Variants in PDLIM5 observed in about 807,000 individuals in gnomAD.
The protein encoded by PDLIM5 is PDZ and LIM domain protein 5.
A neutral mutation model predicts 64.2 loss-of-function variants in PDLIM5; 34 were observed. The ratio of observed to expected loss-of-function variants is 0.53; its 90% CI spans 0.40 to 0.71. The LOEUF (loss-of-function observed/expected upper bound fraction) is 0.71. Ranked by LOEUF, PDLIM5 falls within the 30% of genes least tolerant of loss-of-function variation. The probability of loss-of-function intolerance (pLI) is 0.00; values close to 1 mark genes in which losing one functional copy is unlikely to be tolerated. For missense variants in PDLIM5, 683 were observed against 733.6 expected, an observed-to-expected ratio of 0.93 and a Z score of 0.80; for synonymous variants, 253 against 269.1, an observed-to-expected ratio of 0.94 and a Z score of 0.59.
chr4:94,537,703 C>T (rs1043149185), intron 3 of PDLIM5, among the ~76,000 whole-genome samples: 5 of 152,066 alleles, frequency 3.3e-5, no homozygotes, highest in African/African-American at 9.7e-5. Flanking sequence ...GTTCATTAGT[C>T]GTGTAATCTT....
chr4:94,606,717 A>G (rs546032197), intron 7 of PDLIM5, among the ~76,000 whole-genome samples: 126 of 152,276 alleles, frequency 8.3e-4, no homozygotes, highest in African/African-American at 2.9e-3. Context: ...GGGGTCAGCA[A>G]ATTTTTTTCT....
intron 7 of PDLIM5, among the ~76,000 whole-genome samples, chr4:94,615,019 G>C (rs982272580): frequency 6.6e-6 from 1 of 152,188 alleles, no homozygotes; most frequent in African/African-American, 2.4e-5. Context: ...GGATGTAGAA[G>C]TAAGAATCCT....
chr4:94,649,533 TATCTTACTGTC>T (rs1216516936), intron 9 of PDLIM5, among the ~76,000 whole-genome samples: 13 of 152,316 alleles, frequency 8.5e-5, no homozygotes, highest in South Asian at 6.2e-4. Context: ...ATATTTTATT[TATCTTACTGTC>T]ATCTCCCTGC....
In PDLIM5 at chr4:94,664,257, C is replaced by G. The variant is rs1301929745; in HGVS notation, c.*190C>G. The G allele has an allele frequency of 1.9e-6, 2 of 1,050,674 alleles. No homozygotes were observed. Among genetic ancestry groups the G allele is most frequent in the Non-Finnish European group, 2.4e-6 (2 of 842,594 alleles). 65.1% of individuals were successfully genotyped at this position (1,050,674 alleles called of 1,614,324 possible). On this transcript the variant is annotated 3_prime_UTR_variant, in exon 13 of 13. Transcript: ENST00000317968. ...TTCATAAAGTAAAGAGACGGTTTGG[C>G]ATTTATTATTACTTTTTCCTGTATT...
At chr4:94,586,364 TAAACA>T (rs1736197797) in intron 6 of PDLIM5, 39 bp from the exon 7 acceptor site, 2 of 1,103,326 alleles carry the variant, frequency 1.8e-6, no homozygotes. Context: ...ATTTTGAAGT[TAAACA>T]AAACAAACTA....
chr4:94,584,441 A>T (rs7682375), intron 5 of PDLIM5: 38,343 of 152,124 alleles, frequency 0.25, 5,395 homozygotes, highest in East Asian at 0.38. Context: ...TAGTTTACAC[A>T]TCCTTAGAAC....
intron 2 of PDLIM5, among the ~76,000 whole-genome samples, chr4:94,469,786 T>A (rs926431289): frequency 6.6e-6 from 1 of 151,912 alleles, no homozygotes; most frequent in Non-Finnish European, 1.5e-5. Flanking sequence ...GAATTTAAAA[T>A]TTTTTTTGAG....
At chr4:94,589,038 A>C (rs1736468705) in intron 7 of PDLIM5, among the ~76,000 whole-genome samples, 1 of 152,234 alleles carries the variant, frequency 6.6e-6, no homozygotes, top group Non-Finnish European at 1.5e-5. Context: ...AATCCCAGTT[A>C]TAACTGTGTC....
chr4:94,455,388 A>C lies in PDLIM5; in HGVS notation c.96+4A>C. ...CATGCCTCTGACAATCTCTAGTGTA[A>C]GTAAACTTTACAAATTTTATTATAG... On this transcript the variant is annotated splice_donor_region_variant and intron_variant, in intron 2 of 12. Coordinates refer to ENST00000317968, the MANE Select transcript of PDLIM5 (RefSeq NM_006457.5). The C allele has an allele frequency of 6.3e-7, 1 of 1,582,136 alleles. No homozygotes were observed. The highest frequency in any genetic ancestry group is 1.7e-5 in the Admixed American group (1 of 59,958).
chr4:94,604,833 A>ATAGT (rs1220056093), intron 7 of PDLIM5, among the ~76,000 whole-genome samples: 1 of 152,174 alleles, frequency 6.6e-6, no homozygotes, highest in Non-Finnish European at 1.5e-5. Flanking sequence ...AATCGTTAAG[A>ATAGT]TAGTAAGTTT....
intron 3 of PDLIM5, among the ~76,000 whole-genome samples, chr4:94,537,248 T>G (rs1378764418): frequency 6.6e-6 from 1 of 152,208 alleles, no homozygotes; most frequent in Non-Finnish European, 1.5e-5. Flanking sequence ...CAGTCAAGTC[T>G]GCCTTTATCT....
intron 9 of PDLIM5, among the ~76,000 whole-genome samples, chr4:94,648,894 T>A (rs559735142): frequency 2.6e-5 from 4 of 152,196 alleles, no homozygotes; most frequent in African/African-American, 9.7e-5. Flanking sequence ...TTTACCTGAT[T>A]AGGTCAGGCC....
chr4:94,455,253 T>G lies in PDLIM5; in HGVS notation c.-36T>G, dbSNP rs754440096. The G allele has an allele frequency of 1.6e-6, 2 of 1,229,958 alleles. No homozygotes were observed. Among genetic ancestry groups the G allele is most frequent in the Non-Finnish European group, 2.4e-6 (2 of 835,542 alleles). The allele number at this position is 1,229,958 out of a possible 1,614,324, so 76.2% of individuals were successfully genotyped here. On this transcript the variant is annotated 5_prime_UTR_variant, in exon 2 of 13. Coordinates refer to ENST00000317968, the MANE Select transcript of PDLIM5 (RefSeq NM_006457.5). ...ATCTGATTTTCTTTCACAGCATATT[T>G]CATTTTCTGTCATTGGACTTTGAGC...
At chr4:94,452,293 A>G (rs1722924318) in intron 1 of PDLIM5, among the ~76,000 whole-genome samples, 1 of 152,052 alleles carries the variant, frequency 6.6e-6, no homozygotes, top group Admixed American at 6.5e-5. Context: ...GGAGACGGGG[A>G]CGCGGGAGGG....
chr4:94,642,871 T>A (rs1436667851), intron 9 of PDLIM5, among the ~76,000 whole-genome samples: 1 of 152,184 alleles, frequency 6.6e-6, no homozygotes, highest in Admixed American at 6.5e-5. Flanking sequence ...ATGCAGACTA[T>A]TATACCCTAG....
At chr4:94,545,023 C>G (rs925116597) in intron 3 of PDLIM5, among the ~76,000 whole-genome samples, 1 of 152,180 alleles carries the variant, frequency 6.6e-6, no homozygotes, top group African/African-American at 2.4e-5. Context: ...GAGTTCAAAC[C>G]TGACTTCATC....
chr4:94,657,601 A>T, intron 11 of PDLIM5, 54 bp downstream of exon 11: 1 of 1,372,372 alleles, frequency 7.3e-7, no homozygotes, highest in Non-Finnish European at 1.0e-6. Context: ...TAAAACATTA[A>T]CCCTTATATT....
At chr4:94,643,205 T>A (rs548906995) in intron 9 of PDLIM5, among the ~76,000 whole-genome samples, 1 of 152,314 alleles carries the variant, frequency 6.6e-6, no homozygotes, top group Non-Finnish European at 1.5e-5. Flanking sequence ...TTAAAAATTT[T>A]TTGGTTTATT....
rs11941259 is a variant in PDLIM5, at chr4:94,456,613, A to G, written c.96+1229A>G. 9.5e-3 allele frequency: 6,999 copies of G among 736,184 alleles called. 246 individuals carry two copies. The highest frequency in any genetic ancestry group is 0.088 in the African/African-American group (5,017 of 56,948). 45.6% of individuals were successfully genotyped at this position (736,184 alleles called of 1,614,324 possible). A position where few individuals can be genotyped will look rare whatever the true frequency, so the allele number is the denominator to read the frequency against. On this transcript the variant is annotated intron_variant, in intron 2 of 12. Transcript: ENST00000317968. ...AACAATTGTATAATTTTATTTTATAAGGAAAGTGACATTTAACCAATCCCC... is the reference window on the plus strand; with the variant it reads ...AACAATTGTATAATTTTATTTTATAGGGAAAGTGACATTTAACCAATCCCC...
Sources: gnomAD v4.1 joint callset for allele counts (sites outside exome capture counted in the v4.1 genomes callset) on GRCh38, gnomAD v4.1.1 for gene constraint, MANE v1.5 for transcripts, NCBI Gene and HGNC (gene_info 2026-07-23, HGNC 2026-07-21) for gene names.